TTC21B: variants seen among roughly 807,000 people sequenced by gnomAD.
TTC21B encodes the protein tetratricopeptide repeat domain 21B, also known as tetratricopeptide repeat protein 21B.
TTC21B carries 127 observed loss-of-function variants against 175.1 expected under a neutral mutation model. That is an observed-to-expected ratio of 0.73 (90% CI 0.63 to 0.84). TTC21B has a LOEUF of 0.84. Among genes scored for constraint, TTC21B ranks in the 40% least tolerant of loss-of-function variants. The pLI is 0.00. For missense variants in TTC21B, 1,561 were observed against 1,558.3 expected, an observed-to-expected ratio of 1.00 and a Z score of -0.03; for synonymous variants, 524 against 524.5, an observed-to-expected ratio of 1.00 and a Z score of 0.01.
intron 25 of TTC21B, 129 bp from the exon 26 acceptor site, chr2:165,884,147 G>A (rs1684932109): frequency 2.6e-6 from 2 of 771,306 alleles, no homozygotes; most frequent in Non-Finnish European, 4.4e-6. Flanking sequence ...ACAGATAACT[G>A]TGATTACAGG....
At chr2:165,927,293 GT>G (rs1236755011) in intron 11 of TTC21B, among the ~76,000 whole-genome samples, 12 of 57,284 alleles carry the variant, frequency 2.1e-4, no homozygotes, top group African/African-American at 8.1e-4. Context: ...TATCCTAGTA[GT>G]TATATATATA....
intron 6 of TTC21B, among the ~76,000 whole-genome samples, chr2:165,934,427 G>A (rs937453834): frequency 1.3e-5 from 2 of 149,108 alleles, no homozygotes; most frequent in Non-Finnish European, 3.0e-5. Context: ...ACTTGAACCC[G>A]GGAGGCGGAG....
At chr2:165,917,513 T>A (rs1383802024) in intron 13 of TTC21B, 32 bp from the exon 14 acceptor site, 1 of 1,503,928 alleles carries the variant, frequency 6.6e-7, no homozygotes, top group East Asian at 2.3e-5. Flanking sequence ...TTCCTTGGAG[T>A]GCTTACAACA....
intron 5 of TTC21B, among the ~76,000 whole-genome samples, chr2:165,942,619 G>A (rs1463140998): frequency 6.6e-6 from 1 of 152,006 alleles, no homozygotes; most frequent in Non-Finnish European, 1.5e-5. Context: ...TGCTAGCCCT[G>A]AATACACCTT....
intron 8 of TTC21B, among the ~76,000 whole-genome samples, chr2:165,930,908 G>A (rs1487620020): frequency 1.3e-5 from 2 of 151,872 alleles, no homozygotes; most frequent in African/African-American, 4.8e-5. Flanking sequence ...TCAAGAAATA[G>A]CAGTGTTGTT....
intron 6 of TTC21B, chr2:165,934,585 GGA>G: frequency 9.3e-6 from 1 of 107,154 alleles, no homozygotes; most frequent in East Asian, 2.7e-4. Flanking sequence ...TGAAAACTGA[GGA>G]GAGAATAGGC....
Position 165,898,732 on chromosome 2 carries a change from A to G in TTC21B, c.2904T>C (p.Tyr968=), listed in dbSNP as rs1438343104. The change falls in exon 22 of 29, where the codon TAT becomes TAC. Residue 968 remains tyrosine, a synonymous_variant. Coordinates refer to ENST00000243344, the MANE Select transcript of TTC21B (RefSeq NM_024753.5). ...MADLMFRKQD[Y]EQAVFHLQQL... ...GCTGTAAATGAAACACTGCTTGTTC[A>G]TAGTCTTGTTTTCTGAACATGAGAT... The G allele has an allele frequency of 1.2e-6, 2 of 1,613,750 alleles. No homozygotes were observed. The highest frequency in any genetic ancestry group is 1.1e-5 in the South Asian group (1 of 91,082).
Position 165,873,908 on chromosome 2 carries a change from T to G in TTC21B, c.*847A>C, listed in dbSNP as rs138656848. On this transcript the variant is annotated 3_prime_UTR_variant, in exon 29 of 29. Transcript: ENST00000243344. ...GGGAGCTTACCCTGATTTGCAAAAC[T>G]TACCACATCTTTTGAGTTCCAAGAG... 72 of 152,226 alleles carry G rather than the reference T, an allele frequency of 4.7e-4. No homozygotes were observed. The East Asian group carries it at 0.013, about 28-fold the overall frequency. The allele number at this position is 152,226 out of a possible 1,614,324, so 9.4% of individuals were successfully genotyped here. A position where few individuals can be genotyped will look rare whatever the true frequency, so the allele number is the denominator to read the frequency against.
chr2:165,888,954 A>C (rs898842793), intron 24 of TTC21B, among the ~76,000 whole-genome samples: 8 of 152,188 alleles, frequency 5.3e-5, no homozygotes. Flanking sequence ...CACAGCTAGT[A>C]AGTGGTAAAC....
In TTC21B at chr2:165,942,140, A is replaced by G. The variant is rs531859075; in HGVS notation, c.553-956T>C. Reference sequence around the variant, plus strand: ...TAAAACTTGAGGGTAGTGGGCCTGAACACAAGATGTTCAACAGGCTTACTG... The same window carrying G: ...TAAAACTTGAGGGTAGTGGGCCTGAGCACAAGATGTTCAACAGGCTTACTG... On this transcript the variant is annotated intron_variant, in intron 5 of 28. Coordinates refer to ENST00000243344, the MANE Select transcript of TTC21B (RefSeq NM_024753.5). Among the ~76,000 whole-genome samples, 5 of 152,318 alleles carry G rather than the reference A, an allele frequency of 3.3e-5. No individual in the cohort carries two copies. In the South Asian group the frequency reaches 1.0e-3, roughly 32 times the overall value.
chr2:165,900,006 G>GAAA, intron 20 of TTC21B, 126 bp from the exon 21 acceptor site: 19 of 70,164 alleles, frequency 2.7e-4, no homozygotes, highest in East Asian at 1.3e-3. Context: ...AAGTATAATA[G>GAAA]ACAAAAAAAA....
intron 12 of TTC21B, among the ~76,000 whole-genome samples, chr2:165,920,982 C>T (rs538344377): frequency 1.3e-3 from 204 of 152,248 alleles, no homozygotes; most frequent in Non-Finnish European, 2.2e-3. Flanking sequence ...AAGCATTTGG[C>T]TGACGTTTGT....
intron 26 of TTC21B, among the ~76,000 whole-genome samples, chr2:165,882,349 T>A (rs968766537): frequency 6.6e-6 from 1 of 152,254 alleles, no homozygotes; most frequent in South Asian, 2.1e-4. Context: ...TTCACTAGCA[T>A]ACTGCAGTGG....
In TTC21B at chr2:165,880,987, T is replaced by C. The variant is rs556758670; in HGVS notation, c.3685-188A>G. Among the ~76,000 whole-genome samples the C allele has an allele frequency of 2.6e-4, 39 of 152,250 alleles. No individual in the cohort carries two copies. In the South Asian group the frequency reaches 6.2e-3, roughly 24 times the overall value. On this transcript the variant is annotated intron_variant, in intron 26 of 28. Coordinates refer to ENST00000243344, the MANE Select transcript of TTC21B (RefSeq NM_024753.5). ...AAATGATTCTGATGGCAAGTCTCCA[T>C]CACATATCTGCAGAATCAGGATTTT...
intron 12 of TTC21B, among the ~76,000 whole-genome samples, chr2:165,921,445 C>T (rs1157882200): frequency 2.6e-5 from 4 of 152,268 alleles, no homozygotes; most frequent in Non-Finnish European, 5.9e-5. Flanking sequence ...CTGTGCATCT[C>T]TCCCTGTTGC....
chr2:165,932,118 C>A (rs1322231869), intron 7 of TTC21B, among the ~76,000 whole-genome samples: 1 of 151,920 alleles, frequency 6.6e-6, no homozygotes, highest in Non-Finnish European at 1.5e-5. Flanking sequence ...GCGAAGACAC[C>A]CATAATATTC....
chr2:165,937,265 T>C (rs1392309244), intron 6 of TTC21B, among the ~76,000 whole-genome samples: 2 of 152,072 alleles, frequency 1.3e-5, no homozygotes, highest in Admixed American at 1.3e-4. Flanking sequence ...AAAAGAGCAG[T>C]GGTTGCAAGG....
At chr2:165,927,086 CCTAGTAGATATATATATATATATA>C (rs1686673765) in intron 11 of TTC21B, among the ~76,000 whole-genome samples, 1 of 22,704 alleles carries the variant, frequency 4.4e-5, no homozygotes, top group Non-Finnish European at 8.2e-5. Context: ...ATATATATAT[CCTAGTAGATATATATATATATATA>C]TCCTAGTAGA....
At position 165,945,624 on chromosome 2, in the gene TTC21B, G is replaced by C; in HGVS notation, c.329C>G (p.Ala110Gly). The change falls in exon 4 of 29, where the codon GCC becomes GGC. Residue 110 changes from alanine to glycine, a missense_variant. By Grantham distance (60) the Ala-to-Gly change is moderately conservative (BLOSUM62 0). Coordinates refer to ENST00000243344, the MANE Select transcript of TTC21B (RefSeq NM_024753.5). The part of the protein sequence containing the change: ...KEQRKGAGEK[A>G]LYHAGLFLWH... ...TAAAAATAAGCCTGCATGGTATAAG[G>C]CTTTCTCTCCAGCTCCTTTACGTTG... is the stretch of plus-strand genomic sequence containing the variant. The C allele has an allele frequency of 6.2e-7, 1 of 1,613,740 alleles. No individual in the cohort carries two copies. The highest frequency in any genetic ancestry group is 1.1e-5 in the South Asian group (1 of 91,072).
Sources: allele counts gnomAD v4.1 joint callset (sites outside exome capture counted in the v4.1 genomes callset), GRCh38; gene constraint gnomAD v4.1.1; transcripts MANE v1.5; gene names NCBI Gene and HGNC (gene_info 2026-07-23, HGNC 2026-07-21).